The following KLF7 variants were observed in gnomAD, a reference collection of about 807,000 sequenced individuals.
The protein encoded by KLF7 is KLF transcription factor 7.
In KLF7, 2 loss-of-function variants were observed where a neutral mutation model predicts 27.3. That is an observed-to-expected ratio of 0.07 (90% CI 0.03 to 0.23). The LOEUF (loss-of-function observed/expected upper bound fraction) is 0.23. Among genes scored for constraint, KLF7 ranks in the 10% least tolerant of loss-of-function variants. KLF7 has a pLI of 1.00. For missense variants in KLF7, 221 were observed against 394.1 expected (o/e 0.56, Z 3.72); for synonymous variants, 165 against 162.4 (o/e 1.02, Z -0.12).
chr2:207,141,415 G>C (rs1218981938), intron 1 of KLF7, among the ~76,000 whole-genome samples: 2 of 152,082 alleles, frequency 1.3e-5, no homozygotes, highest in East Asian at 1.9e-4. Flanking sequence ...ATCTAGGTTA[G>C]GAATCAAACT....
At chr2:207,109,651 T>C (rs756011915) in intron 2 of KLF7, among the ~76,000 whole-genome samples, 5 of 152,168 alleles carry the variant, frequency 3.3e-5, no homozygotes, top group African/African-American at 7.2e-5. Context: ...GAAGCAGCCA[T>C]TCCCAGGCTT....
chr2:207,082,146 A>G (rs1031134276), intron 3 of KLF7, among the ~76,000 whole-genome samples: 1 of 152,084 alleles, frequency 6.6e-6, no homozygotes, highest in Non-Finnish European at 1.5e-5. Flanking sequence ...CAGCTATTTG[A>G]TATTCTCTTG....
At chr2:207,131,957 C>A (rs1251552301) in intron 1 of KLF7, among the ~76,000 whole-genome samples, 2 of 152,198 alleles carry the variant, frequency 1.3e-5, no homozygotes, top group African/African-American at 4.8e-5. Flanking sequence ...GACGGTAACA[C>A]TGAATCTACC....
At chr2:207,134,373 G>T (rs377411850) in intron 1 of KLF7, among the ~76,000 whole-genome samples, 37 of 151,874 alleles carry the variant, frequency 2.4e-4, no homozygotes, top group Middle Eastern at 3.4e-3. Flanking sequence ...AGAATAACAG[G>T]TTCAAAGCCC....
chr2:207,148,360 G>A (rs145621108), intron 1 of KLF7, among the ~76,000 whole-genome samples: 19 of 152,254 alleles, frequency 1.2e-4, no homozygotes, highest in African/African-American at 4.1e-4. Context: ...TCAGGGACCC[G>A]CTCGACTTGA....
At chr2:207,095,492 C>T (rs879890796) in intron 2 of KLF7, among the ~76,000 whole-genome samples, 7 of 152,132 alleles carry the variant, frequency 4.6e-5, no homozygotes, top group Non-Finnish European at 8.8e-5. Flanking sequence ...CTTCAGAATA[C>T]GGAGAGAGGT....
rs547928233 is a variant in KLF7, at chr2:207,079,876, C to G, written c.*1337G>C. 1 of 152,276 alleles carries G rather than the reference C, an allele frequency of 6.6e-6. No homozygotes were observed. Among genetic ancestry groups the G allele is most frequent in the South Asian group, 2.1e-4 (1 of 4,822 alleles). The allele number at this position is 152,276 out of a possible 1,614,324, so 9.4% of individuals were successfully genotyped here. On this transcript the variant is annotated 3_prime_UTR_variant, in exon 4 of 4. Coordinates refer to ENST00000309446, the MANE Select transcript of KLF7 (RefSeq NM_003709.4). The stretch of plus-strand genomic sequence containing the variant: ...TGGCGTTTTAAATTGTGTATTGTAA[C>G]ACGTAGGGGAATAGGAGCTCAGTGG...
At chr2:207,168,629 C>T (rs886517018), upstream of KLF7, among the ~76,000 whole-genome samples, 7 of 152,268 alleles carry the variant, frequency 4.6e-5, no homozygotes, top group Non-Finnish European at 1.0e-4. Flanking sequence ...TCCTATGTAA[C>T]TATCAGCCGT....
At position 207,124,283 on chromosome 2, in the gene KLF7, C is replaced by T. The variant is rs547340911; in HGVS notation, c.224G>A (p.Arg75His). 1.2e-4 allele frequency: 187 copies of T among 1,614,018 alleles called. 1 individual carries two copies. The South Asian group carries it at 1.7e-3, about 15-fold the overall frequency. ...GGGGAGCAGCAGGGGGTCTAAGCGA[C>T]GGAAGCTTTCCTCAATGCACGGGGG... ...SPPPCIEESFRRLDPLLLPVE... is the reference protein window; with the variant it reads ...SPPPCIEESFHRLDPLLLPVE... Residue 75 changes from arginine (R) to histidine (H), a missense_variant, in exon 2 of 4, where the codon CGT becomes CAT. Physicochemically the swap from Arg to His is conservative, Grantham distance 29. Transcript: ENST00000309446.
intron 1 of KLF7, among the ~76,000 whole-genome samples, chr2:207,136,419 C>T (rs1363086635): frequency 1.3e-5 from 2 of 151,852 alleles, no homozygotes; most frequent in Non-Finnish European, 2.9e-5. Flanking sequence ...CATCCCAGAA[C>T]GCAGACTCCC....
chr2:207,158,241 T>C (rs2078445434), intron 1 of KLF7, among the ~76,000 whole-genome samples: 1 of 152,054 alleles, frequency 6.6e-6, no homozygotes, highest in South Asian at 2.1e-4. Flanking sequence ...GGGGAAAAAC[T>C]GGGGCAAAAA....
chr2:207,133,492 A>C (rs1485057121), intron 1 of KLF7, among the ~76,000 whole-genome samples: 1 of 152,204 alleles, frequency 6.6e-6, no homozygotes, highest in Non-Finnish European at 1.5e-5. Flanking sequence ...TCAAGAGCCC[A>C]AGGACGTGGG....
intron 1 of KLF7, among the ~76,000 whole-genome samples, chr2:207,150,174 T>C (rs1920047): frequency 0.83 from 127,049 of 152,164 alleles, 55,703 homozygotes; most frequent in Non-Finnish European, 0.97. Context: ...AATACAATTG[T>C]TAAGAATGTA....
At chr2:207,162,663 C>T (rs189836304) in intron 1 of KLF7, among the ~76,000 whole-genome samples, 3 of 152,326 alleles carry the variant, frequency 2.0e-5, no homozygotes, top group Non-Finnish European at 4.4e-5. Context: ...GTCACAGGCT[C>T]ACTGACTATT....
chr2:207,164,380 T>A (rs867977858), intron 1 of KLF7, among the ~76,000 whole-genome samples: 5 of 152,202 alleles, frequency 3.3e-5, no homozygotes, highest in Middle Eastern at 3.2e-3. Flanking sequence ...ACACTTCCTA[T>A]GTGCAAATCC....
rs1574395887 is a variant in KLF7 at position 207,074,783 on chromosome 2, A to T, written c.*6430T>A. On this transcript the variant is annotated 3_prime_UTR_variant, in exon 4 of 4. Coordinates refer to ENST00000309446, the MANE Select transcript of KLF7 (RefSeq NM_003709.4). ...TCTCCCAACCCCCTAAACAAATAAC[A>T]TCTTGTAATCTCTATCATTCTAAAA... 1.3e-5 allele frequency: 2 copies of T among 152,294 alleles called. No homozygotes were observed. Among genetic ancestry groups the T allele is most frequent in the South Asian group, 4.1e-4 (2 of 4,822 alleles). 9.4% of individuals were successfully genotyped at this position (152,294 alleles called of 1,614,324 possible). A position where few individuals can be genotyped will look rare whatever the true frequency, so the allele number is the denominator to read the frequency against.
chr2:207,129,026 C>T lies in KLF7; in HGVS notation c.103-4622G>A, dbSNP rs184027069. Among the ~76,000 whole-genome samples, 661 of 152,150 alleles carry T rather than the reference C, an allele frequency of 4.3e-3. 10 individuals are homozygous for T. Among genetic ancestry groups the T allele is most frequent in the African/African-American group, 0.015 (638 of 41,500 alleles). ...GGTTCTTATAATTGAACTATGGTTG[C>T]GTAACATTAGGGGAAGCTGGACAAA... On this transcript the variant is annotated intron_variant, in intron 1 of 3. Transcript: ENST00000309446.
intron 1 of KLF7, among the ~76,000 whole-genome samples, chr2:207,131,388 AC>A (rs1411767755): frequency 6.6e-6 from 1 of 152,182 alleles, no homozygotes; most frequent in Non-Finnish European, 1.5e-5. Flanking sequence ...AGAGAAACAA[AC>A]CCCTTGCCTT....
chr2:207,081,662 G>A (rs897155483), intron 3 of KLF7, among the ~76,000 whole-genome samples: 3 of 152,106 alleles, frequency 2.0e-5, no homozygotes, highest in Non-Finnish European at 4.4e-5. Context: ...AGAAGAATGG[G>A]AAAGTGCTTT....
Sources: gnomAD v4.1 joint callset for allele counts (sites outside exome capture counted in the v4.1 genomes callset) on GRCh38, gnomAD v4.1.1 for gene constraint, MANE v1.5 for transcripts, NCBI Gene and HGNC (gene_info 2026-07-23, HGNC 2026-07-21) for gene names.